IQSEC3: variants seen among roughly 807,000 people sequenced by gnomAD.
IQSEC3 encodes the protein IQ motif and SEC7 domain-containing protein 3.
IQSEC3 carries 50 observed loss-of-function variants against 105.4 expected under a neutral mutation model. The observed-to-expected ratio is 0.47, with a 90% CI of 0.38 to 0.60. IQSEC3 has a LOEUF of 0.60. Ranked by LOEUF, IQSEC3 falls within the 20% of genes least tolerant of loss-of-function variation. The probability of loss-of-function intolerance (pLI) is 0.00; values close to 1 mark genes in which losing one functional copy is unlikely to be tolerated. For missense variants in IQSEC3, 1,415 were observed against 1,630.0 expected (o/e 0.87, Z 2.27); for synonymous variants, 708 against 746.0 (o/e 0.95, Z 0.83).
chr12:177,873 TCTC>T lies in IQSEC3; in HGVS notation c.*2843_*2845del, dbSNP rs1352800034. The T allele has an allele frequency of 6.6e-6, 1 of 152,144 alleles. No homozygotes were observed. Among genetic ancestry groups the T allele is most frequent in the Non-Finnish European group, 1.5e-5 (1 of 68,250 alleles). 9.4% of individuals were successfully genotyped at this position (152,144 alleles called of 1,614,324 possible). On this transcript the variant is annotated 3_prime_UTR_variant, in exon 14 of 14. Transcript: ENST00000538872. This position sits in a 1 kb window ranked among gnomAD's most constrained non-coding sequence, Gnocchi z 5.3. ...GGGGGGTGCTCTCGGGCCTTCCTGC[TCTC>T]CTAAGGTTGCGGGGACAGTAGAGTG...
Position 138,038 on chromosome 12 carries a change from G to C in IQSEC3, c.904-229G>C, listed in dbSNP as rs554808760. Among the ~76,000 whole-genome samples the C allele has an allele frequency of 8.8e-4, 134 of 152,170 alleles. No homozygotes were observed. Among genetic ancestry groups the C allele is most frequent in the Admixed American group, 2.5e-3 (38 of 15,284 alleles). ...GCAGCACCTCCCTCCTGGCCCTTGA[G>C]ACATCACTAGTCCCCAGAACGGACC... On this transcript the variant is annotated intron_variant, in intron 3 of 13. Transcript: ENST00000538872. This position sits in a 1 kb window ranked among gnomAD's most constrained non-coding sequence, Gnocchi z 7.1.
intron 12 of IQSEC3, among the ~76,000 whole-genome samples, chr12:169,859 T>C (rs1555099738): frequency 6.6e-6 from 1 of 152,158 alleles, no homozygotes; most frequent in Non-Finnish European, 1.5e-5. Context: ...GTCCACCCAT[T>C]AGTTAACTCG....
intron 2 of IQSEC3, among the ~76,000 whole-genome samples, chr12:111,375 T>C (rs1453562978): frequency 1.3e-5 from 2 of 152,212 alleles, no homozygotes; most frequent in African/African-American, 4.8e-5. Context: ...GTTTGAGGAC[T>C]ATCCCTTCAA....
At chr12:125,235 C>T (rs1555082864) in intron 2 of IQSEC3, among the ~76,000 whole-genome samples, 1 of 152,164 alleles carries the variant, frequency 6.6e-6, no homozygotes, top group Non-Finnish European at 1.5e-5. Flanking sequence ...CGCCAGTATC[C>T]CTGTGAGGTA....
At chr12:151,617 G>A (rs1555092720) in intron 5 of IQSEC3, among the ~76,000 whole-genome samples, 2 of 152,158 alleles carry the variant, frequency 1.3e-5, no homozygotes, top group South Asian at 2.1e-4. Context: ...GGACCCTGTC[G>A]CTCCTCTGAT....
intron 1 of IQSEC3, among the ~76,000 whole-genome samples, chr12:91,691 G>C (rs1175805900): frequency 3.9e-5 from 6 of 152,294 alleles, no homozygotes; most frequent in African/African-American, 1.4e-4. Context: ...GCTTGAGCCT[G>C]GGAGGTTGGA....
intron 5 of IQSEC3, among the ~76,000 whole-genome samples, chr12:155,869 A>G (rs1866667242): frequency 6.6e-6 from 1 of 152,092 alleles, no homozygotes; most frequent in African/African-American, 2.4e-5. Flanking sequence ...GACTAGGGTG[A>G]GTGGGTGTAG....
chr12:104,019 C>G (rs1864557309), intron 2 of IQSEC3, among the ~76,000 whole-genome samples: 1 of 151,706 alleles, frequency 6.6e-6, no homozygotes, highest in East Asian at 1.9e-4. Context: ...TGAACTGACT[C>G]ACTGCTGGTC....
chr12:125,409 TC>T (rs1409223038), intron 2 of IQSEC3, among the ~76,000 whole-genome samples: 21 of 152,232 alleles, frequency 1.4e-4, no homozygotes, highest in African/African-American at 4.1e-4. Context: ...AGCTGCCCCT[TC>T]CCTCTGTCTG....
chr12:156,028 C>T (rs1222315536), intron 5 of IQSEC3, among the ~76,000 whole-genome samples: 2 of 152,162 alleles, frequency 1.3e-5, no homozygotes, highest in Non-Finnish European at 2.9e-5. Context: ...GACAGGGCAC[C>T]CCAAAGGAGG....
At chr12:164,190 T>C (rs996782386) in intron 9 of IQSEC3, among the ~76,000 whole-genome samples, 3 of 152,218 alleles carry the variant, frequency 2.0e-5, no homozygotes, top group African/African-American at 7.2e-5. Flanking sequence ...GCAGGGCTTG[T>C]GTCTCCCTCG....
intron 3 of IQSEC3, among the ~76,000 whole-genome samples, chr12:128,291 G>T (rs937228006): frequency 1.3e-5 from 2 of 152,104 alleles, no homozygotes; most frequent in East Asian, 3.9e-4. Context: ...TGCATGACTT[G>T]TTCCTCATTA....
Position 68,251 on chromosome 12 carries a change from C to T in IQSEC3, c.554+815C>T, listed in dbSNP as rs6090118. Reference sequence around the variant, plus strand: ...TCCAACTCAAGGAGGGTTTTTCATACAGGGTGTTTGGCCGTTGTTGAAAGG... The same window carrying T: ...TCCAACTCAAGGAGGGTTTTTCATATAGGGTGTTTGGCCGTTGTTGAAAGG... On this transcript the variant is annotated intron_variant, in intron 1 of 13. Coordinates refer to ENST00000538872, the MANE Select transcript of IQSEC3 (RefSeq NM_001170738.2). Among the ~76,000 whole-genome samples, 13 of 151,536 alleles carry T rather than the reference C, an allele frequency of 8.6e-5. No homozygotes were observed. In the East Asian group the frequency reaches 2.3e-3, roughly 27 times the overall value.
intron 2 of IQSEC3, among the ~76,000 whole-genome samples, chr12:102,915 C>T (rs979048266): frequency 6.6e-6 from 1 of 152,134 alleles, no homozygotes; most frequent in Non-Finnish European, 1.5e-5. Context: ...TTCTGCTGTG[C>T]CCTGGTTCCC....
At chr12:156,272 C>T (rs1555094220) in intron 5 of IQSEC3, among the ~76,000 whole-genome samples, 4 of 152,194 alleles carry the variant, frequency 2.6e-5, no homozygotes, top group Non-Finnish European at 5.9e-5. Context: ...CTCCAGCCTC[C>T]TCCCTTTTCA....
chr12:122,181 G>A (rs368961256), intron 2 of IQSEC3, among the ~76,000 whole-genome samples: 7 of 152,216 alleles, frequency 4.6e-5, no homozygotes, highest in African/African-American at 1.7e-4. Context: ...AGATGGGCAA[G>A]GTGGAGCTGG....
chr12:168,389 G>A (rs1404321015), intron 11 of IQSEC3, among the ~76,000 whole-genome samples: 1 of 152,142 alleles, frequency 6.6e-6, no homozygotes, highest in African/African-American at 2.4e-5. Context: ...GGCCAGGCAG[G>A]CTCTGTCCTC....
intron 13 of IQSEC3, 165 bp downstream of exon 13, chr12:171,326 G>A (rs781797347): frequency 1.9e-5 from 30 of 1,612,998 alleles, no homozygotes; most frequent in Non-Finnish European, 2.5e-5. Flanking sequence ...TGCTAGCATG[G>A]GTAATGCCAC....
In IQSEC3 at chr12:171,347, C is replaced by A. The variant is rs934980249; in HGVS notation, c.3114+186C>A. ...CATGGGTAATGCCACTGTTCCAGCGCCTAATTAAGCCACGAGCTCTTTCTC... is the reference window on the plus strand; with the variant it reads ...CATGGGTAATGCCACTGTTCCAGCGACTAATTAAGCCACGAGCTCTTTCTC... On this transcript the variant is annotated intron_variant, in intron 13 of 13. Transcript: ENST00000538872. 1.0e-5 allele frequency: 16 copies of A among 1,600,750 alleles called. No individual in the cohort carries two copies. In the East Asian group the frequency reaches 3.6e-4, roughly 36 times the overall value.
Sources: allele counts gnomAD v4.1 joint callset (sites outside exome capture counted in the v4.1 genomes callset), GRCh38; gene constraint gnomAD v4.1.1; non-coding constraint Gnocchi (gnomAD v3.1); transcripts MANE v1.5; gene names NCBI Gene and HGNC (gene_info 2026-07-23, HGNC 2026-07-21).